FAM185A: variants seen among roughly 807,000 people sequenced by gnomAD.
The protein encoded by FAM185A is protein FAM185A.
A neutral mutation model predicts 45.7 loss-of-function variants in FAM185A; 21 were observed. The observed-to-expected ratio is 0.46, with a 90% CI of 0.33 to 0.66. The LOEUF is 0.66. Ranked by LOEUF, FAM185A falls within the 30% of genes least tolerant of loss-of-function variation. The pLI, the probability that FAM185A is intolerant of heterozygous loss-of-function variation, is 0.03. For missense variants in FAM185A, 305 were observed against 485.4 expected (o/e 0.63, Z 3.49); for synonymous variants, 117 against 194.0 (o/e 0.60, Z 3.30).
chr7:102,751,359 C>A (rs1433452314), intron 1 of FAM185A, among the ~76,000 whole-genome samples: 1 of 151,962 alleles, frequency 6.6e-6, no homozygotes, highest in Non-Finnish European at 1.5e-5. Context: ...ATTTGAAAAC[C>A]TAAGTCATGA....
the FAM185A span, among the ~76,000 whole-genome samples, chr7:102,836,729 A>G: frequency 0.46 from 69,658 of 152,040 alleles, 17,861 homozygotes; most frequent in African/African-American, 0.7. Flanking sequence ...CAGTGTAGGC[A>G]CTTAATGACT....
At chr7:102,843,116 G>T in the FAM185A span, among the ~76,000 whole-genome samples, 1 of 152,152 alleles carries the variant, frequency 6.6e-6, no homozygotes, top group African/African-American at 2.4e-5. Flanking sequence ...ATCATAAAAG[G>T]TTATGAAGAT....
chr7:102,752,918 T>A (rs1793458353), intron 2 of FAM185A, among the ~76,000 whole-genome samples: 1 of 150,444 alleles, frequency 6.6e-6, no homozygotes, highest in African/African-American at 2.5e-5. Context: ...TGCAAAATAT[T>A]TTCATTTTTA....
intron 6 of FAM185A, among the ~76,000 whole-genome samples, chr7:102,784,350 C>A (rs995722227): frequency 1.3e-5 from 2 of 151,756 alleles, no homozygotes; most frequent in African/African-American, 4.8e-5. Context: ...CAGCATCATC[C>A]TGATACCAAA....
the FAM185A span, among the ~76,000 whole-genome samples, chr7:102,834,072 GGAAGGAA>G: frequency 9.1e-6 from 1 of 109,316 alleles, no homozygotes; most frequent in African/African-American, 4.4e-5. Flanking sequence ...AAGGAAGGAA[GGAAGGAA>G]GGAAAGAAAA....
Position 102,749,548 on chromosome 7 carries a change from G to A in FAM185A, c.341G>A (p.Gly114Asp), listed in dbSNP as rs897158003. ...TGCGGCGTGGAGGGCGGCGTGCGGG[G>A]CCTGGACGGCCTGCAGGTGAAGTAC... ...AVCGVEGGVRGLDGLQVKYDE... is the reference protein window; with the variant it reads ...AVCGVEGGVRDLDGLQVKYDE... Residue 114 changes from glycine (G) to aspartate (D), a missense_variant, in exon 1 of 8, where the codon GGC becomes GAC. Gly to Asp is a moderately conservative substitution (Grantham distance 94). Coordinates refer to ENST00000413034, the MANE Select transcript of FAM185A (RefSeq NM_001145268.2). The A allele has an allele frequency of 1.4e-5, 21 of 1,519,638 alleles. No homozygotes were observed. The highest frequency in any genetic ancestry group is 1.6e-5 in the Non-Finnish European group (18 of 1,133,304). 94.1% of individuals were successfully genotyped at this position (1,519,638 alleles called of 1,614,324 possible).
intron 6 of FAM185A, among the ~76,000 whole-genome samples, chr7:102,784,984 G>A (rs1430512277): frequency 2.6e-5 from 4 of 152,166 alleles, no homozygotes; most frequent in Non-Finnish European, 4.4e-5. Flanking sequence ...CTTCAGCAAA[G>A]TCTCAGGATA....
rs895316622 is a variant in FAM185A, at chr7:102,749,615, C to G, written c.408C>G (p.Ile136Met). 63 of 1,510,152 alleles carry G rather than the reference C, an allele frequency of 4.2e-5. No homozygotes were observed. Among genetic ancestry groups the G allele is most frequent in the Non-Finnish European group, 5.5e-5 (62 of 1,127,200 alleles). 93.5% of individuals were successfully genotyped at this position (1,510,152 alleles called of 1,614,324 possible). A position where few individuals can be genotyped will look rare whatever the true frequency, so the allele number is the denominator to read the frequency against. The change falls in exon 1 of 8, where the codon ATC (isoleucine) becomes ATG (methionine). Residue 136 changes from isoleucine to methionine, a missense_variant. By Grantham distance (10) the Ile-to-Met change is conservative (BLOSUM62 1). This residue lies in a region of FAM185A where 174 missense variants were observed against 247.1 expected (regional missense o/e 0.70). Coordinates refer to ENST00000413034, the MANE Select transcript of FAM185A (RefSeq NM_001145268.2). ...LEEMAIVSDT[I>M]HPQASVEVNA... ...AGATGGCCATTGTGTCTGATACTAT[C>G]CACCCCCAGGCGTCCGTGGAGGTGA...
the FAM185A span, chr7:102,833,104 A>T: frequency 1.1e-6 from 1 of 948,404 alleles, no homozygotes; most frequent in Non-Finnish European, 1.5e-6. Flanking sequence ...CCCCCAAAAA[A>T]TAATTTAAAA....
At chr7:102,803,915 A>G (rs1176644422) in intron 7 of FAM185A, among the ~76,000 whole-genome samples, 1 of 152,074 alleles carries the variant, frequency 6.6e-6, no homozygotes, top group Non-Finnish European at 1.5e-5. Flanking sequence ...CAAATCAATA[A>G]CTCAACCCCT....
intron 4 of FAM185A, among the ~76,000 whole-genome samples, chr7:102,762,952 C>G (rs1562849097): frequency 2.1e-5 from 3 of 141,466 alleles, no homozygotes. Flanking sequence ...CTATCTTAAT[C>G]ATAATGAAAA....
At chr7:102,821,209 C>G in the FAM185A span, among the ~76,000 whole-genome samples, 1 of 152,134 alleles carries the variant, frequency 6.6e-6, no homozygotes, top group African/African-American at 2.4e-5. Flanking sequence ...AGAGTTATCT[C>G]CAGACCTATC....
chr7:102,783,025 A>C (rs1384681628), intron 6 of FAM185A, among the ~76,000 whole-genome samples: 1 of 151,976 alleles, frequency 6.6e-6, no homozygotes, highest in African/African-American at 2.4e-5. Flanking sequence ...ACAGACTTTA[A>C]ACCAGCAAAG....
intron 7 of FAM185A, among the ~76,000 whole-genome samples, chr7:102,791,433 T>C (rs1210135340): frequency 5.9e-5 from 9 of 152,344 alleles, no homozygotes; most frequent in African/African-American, 1.9e-4. Context: ...TAAAGACGAA[T>C]GAATGCTATG....
the FAM185A span, among the ~76,000 whole-genome samples, chr7:102,834,094 G>GAA: frequency 1.5e-4 from 13 of 86,700 alleles, no homozygotes; most frequent in African/African-American, 7.1e-4. Context: ...AGAAAAGAAA[G>GAA]AAAGAAAGAA....
chr7:102,749,390 C>G lies in FAM185A; in HGVS notation c.183C>G (p.Arg61=). Residue 61 remains arginine, a synonymous_variant, in exon 1 of 8, where the codon CGC becomes CGG. Coordinates refer to ENST00000413034, the MANE Select transcript of FAM185A (RefSeq NM_001145268.2). ...ETEVPPPGPG[R]RTLKEWTLQV... is the part of the protein sequence containing the mutation. ...AGGTCCCTCCGCCTGGCCCGGGGCG[C>G]CGAACTCTGAAGGAGTGGACACTGC... The G allele has an allele frequency of 6.5e-7, 1 of 1,548,398 alleles. No individual in the cohort carries two copies. Among genetic ancestry groups the G allele is most frequent in the Non-Finnish European group, 8.7e-7 (1 of 1,146,594 alleles).
chr7:102,780,090 G>T (rs1298437915), intron 6 of FAM185A, among the ~76,000 whole-genome samples: 1 of 151,834 alleles, frequency 6.6e-6, no homozygotes, highest in South Asian at 2.1e-4. Context: ...AGAACAGTTT[G>T]TCATGCTTAT....
chr7:102,826,713 A>G, the FAM185A span, among the ~76,000 whole-genome samples: 1 of 121,342 alleles, frequency 8.2e-6, no homozygotes, highest in African/African-American at 3.0e-5. Context: ...AGACAGAGTG[A>G]GACCCTGTCT....
intron 7 of FAM185A, among the ~76,000 whole-genome samples, chr7:102,789,418 A>T (rs1419600611): frequency 6.6e-6 from 1 of 152,222 alleles, no homozygotes; most frequent in South Asian, 2.1e-4. Flanking sequence ...ATTTTAAAAA[A>T]TTTTTTGAGG....
Sources: gnomAD v4.1 joint callset for allele counts (sites outside exome capture counted in the v4.1 genomes callset) on GRCh38, gnomAD v4.1.1 for gene constraint, gnomAD v4.1.1 regional missense constraint, MANE v1.5 for transcripts, NCBI Gene and HGNC (gene_info 2026-07-23, HGNC 2026-07-21) for gene names.